CDK6: variants seen among roughly 807,000 people sequenced by gnomAD.
CDK6 encodes the protein cyclin dependent kinase 6.
A neutral mutation model predicts 37.1 loss-of-function variants in CDK6; 6 were observed. The ratio of observed to expected loss-of-function variants is 0.16; its 90% CI spans 0.09 to 0.32. The LOEUF (loss-of-function observed/expected upper bound fraction) is 0.32. Among genes scored for constraint, CDK6 ranks in the 10% least tolerant of loss-of-function variants. CDK6 has a pLI of 1.00. For synonymous variants in CDK6, 160 were observed against 161.3 expected (o/e 0.99, Z 0.06); for missense variants, 224 against 418.9 (o/e 0.53, Z 4.06).
chr7:92,810,616 T>C (rs1355668098), intron 2 of CDK6, among the ~76,000 whole-genome samples: 1 of 152,242 alleles, frequency 6.6e-6, no homozygotes, highest in African/African-American at 2.4e-5. Flanking sequence ...AACTTCAGTC[T>C]CAGGCTAGCT....
chr7:92,608,974 C>T lies in CDK6; in HGVS notation c.*6166G>A, dbSNP rs1013557629. ...CAGACTGGCCACTGTTATAACAAAC[C>T]CTGGGGTGGAATTCGGCCTTTCGCA... On this transcript the variant is annotated 3_prime_UTR_variant, in exon 8 of 8. Coordinates refer to ENST00000424848, the MANE Select transcript of CDK6 (RefSeq NM_001145306.2). The T allele has an allele frequency of 4.3e-6, 1 of 232,974 alleles. No homozygotes were observed. Among genetic ancestry groups the T allele is most frequent in the Non-Finnish European group, 8.5e-6 (1 of 117,976 alleles). 14.4% of individuals were successfully genotyped at this position (232,974 alleles called of 1,614,324 possible). A position where few individuals can be genotyped will look rare whatever the true frequency, so the allele number is the denominator to read the frequency against.
At chr7:92,832,169 T>C (rs889732265) in intron 2 of CDK6, among the ~76,000 whole-genome samples, 1 of 152,200 alleles carries the variant, frequency 6.6e-6, no homozygotes, top group African/African-American at 2.4e-5. Context: ...AAGAAAAGGA[T>C]GACACAACCA....
chr7:92,653,991 C>CT (rs911838949), intron 5 of CDK6, among the ~76,000 whole-genome samples: 2 of 151,974 alleles, frequency 1.3e-5, no homozygotes, highest in Admixed American at 6.6e-5. Context: ...ATCTTTTTTC[C>CT]TTTTTTCTCA....
At chr7:92,753,752 A>G (rs931443972) in intron 3 of CDK6, among the ~76,000 whole-genome samples, 1 of 152,208 alleles carries the variant, frequency 6.6e-6, no homozygotes, top group African/African-American at 2.4e-5. Context: ...TCATGGCAGA[A>G]GTATTGAAGA....
intron 5 of CDK6, among the ~76,000 whole-genome samples, chr7:92,638,009 G>A (rs1451407720): frequency 6.6e-6 from 1 of 152,088 alleles, no homozygotes; most frequent in Admixed American, 6.6e-5. Flanking sequence ...CAAATAACAT[G>A]TTGGTATAAT....
At position 92,762,570 on chromosome 7, in the gene CDK6, C is replaced by CT. The variant is rs34827459; in HGVS notation, c.369+12125dup. ...CATACTAACCGTATTCATAGAACAC[C>CT]TTTTTTTTTTTTTTTGAGATGGAAT... On this transcript the variant is annotated intron_variant, in intron 3 of 7. Coordinates refer to ENST00000424848, the MANE Select transcript of CDK6 (RefSeq NM_001145306.2). 1.6e-3 allele frequency among the ~76,000 whole-genome samples: 230 copies of CT among 141,548 alleles called. 1 individual carries two copies. The highest frequency in any genetic ancestry group is 3.4e-3 in the Admixed American group (47 of 14,018). The allele number at this position is 141,548 out of a possible 152,430, so 92.9% of individuals were successfully genotyped here.
At chr7:92,743,483 A>G (rs919269587) in intron 3 of CDK6, among the ~76,000 whole-genome samples, 24 of 152,050 alleles carry the variant, frequency 1.6e-4, no homozygotes, top group Admixed American at 1.3e-3. Context: ...ATTCTGTCTC[A>G]AAAAAGAAAG....
Position 92,835,229 on chromosome 7 carries a change from C to G in CDK6, c.-368+1249G>C, listed in dbSNP as rs1291650300. 6.5e-6 allele frequency: 1 copy of G among 153,358 alleles called. No individual in the cohort carries two copies. The highest frequency in any genetic ancestry group is 6.5e-5 in the Admixed American group (1 of 15,292). The allele number at this position is 153,358 out of a possible 1,614,324, so 9.5% of individuals were successfully genotyped here. On this transcript the variant is annotated intron_variant, in intron 1 of 7. Coordinates refer to ENST00000424848, the MANE Select transcript of CDK6 (RefSeq NM_001145306.2). This position sits in a 1 kb window ranked among gnomAD's most constrained non-coding sequence, Gnocchi z 4.2. ...GCCAGGTCGAGGGCCACACAGGTAGCCGGGGAGCCGCCGCCGGCCGCCCAA... is the reference window on the plus strand; with the variant it reads ...GCCAGGTCGAGGGCCACACAGGTAGGCGGGGAGCCGCCGCCGGCCGCCCAA...
chr7:92,780,981 T>C (rs10246902), intron 2 of CDK6, among the ~76,000 whole-genome samples: 2 of 152,180 alleles, frequency 1.3e-5, no homozygotes, highest in African/African-American at 4.8e-5. Context: ...ATAAGAAAAA[T>C]GTAATCACAA....
At chr7:92,825,265 T>C (rs1801280169) in intron 2 of CDK6, among the ~76,000 whole-genome samples, 1 of 152,286 alleles carries the variant, frequency 6.6e-6, no homozygotes, top group African/African-American at 2.4e-5. Flanking sequence ...TTTTCAGACA[T>C]GATTACTCAT....
intron 2 of CDK6, among the ~76,000 whole-genome samples, chr7:92,803,231 G>A (rs552679937): frequency 2.6e-5 from 4 of 152,258 alleles, no homozygotes; most frequent in African/African-American, 9.6e-5. Flanking sequence ...CCTTCAATAA[G>A]TCACAGGTTT....
At chr7:92,780,487 G>A (rs946387489) in intron 2 of CDK6, among the ~76,000 whole-genome samples, 2 of 152,012 alleles carry the variant, frequency 1.3e-5, no homozygotes, top group Non-Finnish European at 2.9e-5. Context: ...TAGGCTGGGC[G>A]CGGTGGCTCA....
chr7:92,764,227 C>T (rs1341594075), intron 3 of CDK6, among the ~76,000 whole-genome samples: 1 of 151,426 alleles, frequency 6.6e-6, no homozygotes, highest in East Asian at 1.9e-4. Flanking sequence ...CAACCTGAAT[C>T]TCCCAGGCCC....
At chr7:92,733,808 G>T (rs1263210351) in intron 3 of CDK6, among the ~76,000 whole-genome samples, 1 of 151,950 alleles carries the variant, frequency 6.6e-6, no homozygotes, top group Non-Finnish European at 1.5e-5. Flanking sequence ...CATCTGCAGG[G>T]AAAGTTTTCT....
intron 4 of CDK6, among the ~76,000 whole-genome samples, chr7:92,674,015 G>A (rs185016306): frequency 1.8e-4 from 27 of 151,580 alleles, no homozygotes; most frequent in African/African-American, 4.1e-4. Context: ...CCTGAGCTCA[G>A]GCAATCTGCC....
intron 3 of CDK6, among the ~76,000 whole-genome samples, chr7:92,726,480 G>A (rs1334724879): frequency 2.6e-5 from 4 of 151,910 alleles, no homozygotes; most frequent in African/African-American, 4.8e-5. Context: ...CTGTGATCAC[G>A]GCTCCCTGCA....
chr7:92,615,776 G>A (rs1176906420), intron 7 of CDK6, among the ~76,000 whole-genome samples: 2 of 152,148 alleles, frequency 1.3e-5, no homozygotes, highest in African/African-American at 4.8e-5. Context: ...TCAAGTGTAG[G>A]GCTACCAAGG....
chr7:92,830,506 C>G (rs1382318102), intron 2 of CDK6, among the ~76,000 whole-genome samples: 2 of 152,070 alleles, frequency 1.3e-5, no homozygotes, highest in Admixed American at 6.5e-5. Flanking sequence ...AAAACTAATC[C>G]CAGGGGCAAT....
intron 4 of CDK6, among the ~76,000 whole-genome samples, chr7:92,680,252 G>A (rs1797301047): frequency 6.7e-6 from 1 of 150,156 alleles, no homozygotes; most frequent in East Asian, 2.0e-4. Flanking sequence ...GACCAACATG[G>A]TGAAACCCCG....
Sources: allele counts gnomAD v4.1 joint callset (sites outside exome capture counted in the v4.1 genomes callset), GRCh38; gene constraint gnomAD v4.1.1; non-coding constraint Gnocchi (gnomAD v3.1); transcripts MANE v1.5; gene names NCBI Gene and HGNC (gene_info 2026-07-23, HGNC 2026-07-21).